Variants in MYO1E observed in about 807,000 individuals in gnomAD.
MYO1E encodes the protein unconventional myosin-Ie.
A neutral mutation model predicts 151.1 loss-of-function variants in MYO1E; 68 were observed. That is an observed-to-expected ratio of 0.45 (90% CI 0.37 to 0.55). The LOEUF is 0.55. MYO1E is among the 20% of genes least tolerant of loss of function. The pLI is 0.00. For missense variants in MYO1E, 1,363 were observed against 1,389.3 expected (o/e 0.98, Z 0.30); for synonymous variants, 601 against 501.7 (o/e 1.20, Z -2.64).
chr15:59,176,914 C>T (rs115963522), intron 19 of MYO1E, among the ~76,000 whole-genome samples: 1 of 152,112 alleles, frequency 6.6e-6, no homozygotes, highest in East Asian at 1.9e-4. Flanking sequence ...GGTAATAACA[C>T]AATTGAATGT....
At position 59,236,687 on chromosome 15, in the gene MYO1E, A is replaced by C; in HGVS notation, c.333-15T>G. 1 of 1,599,986 alleles carries C rather than the reference A, an allele frequency of 6.3e-7. No individual in the cohort carries two copies. The highest frequency in any genetic ancestry group is 1.1e-5 in the South Asian group (1 of 90,776). ...CACTTTCACCACTAAAGAAAGACAG[A>C]CAAAGAATCCACCTGAGAAGTGGAT... On this transcript the variant is annotated splice_polypyrimidine_tract_variant and intron_variant, in intron 4 of 27. Transcript: ENST00000288235.
At chr15:59,184,069 C>T (rs1334598678) in intron 18 of MYO1E, among the ~76,000 whole-genome samples, 2 of 152,274 alleles carry the variant, frequency 1.3e-5, no homozygotes, top group African/African-American at 2.4e-5. Flanking sequence ...AGGGCAGTGG[C>T]GTAATCTCGG....
intron 1 of MYO1E, among the ~76,000 whole-genome samples, chr15:59,313,532 A>G (rs1188361686): frequency 1.5e-5 from 2 of 129,438 alleles, no homozygotes; most frequent in Non-Finnish European, 3.1e-5. Flanking sequence ...ATCATCTTTC[A>G]GTGATCATTC....
intron 7 of MYO1E, among the ~76,000 whole-genome samples, chr15:59,226,357 G>A (rs908081183): frequency 1.4e-4 from 21 of 152,004 alleles, no homozygotes; most frequent in Admixed American, 1.2e-3. Flanking sequence ...AACACGAAAT[G>A]AAACAAAACA....
At chr15:59,290,279 G>C (rs575141392) in intron 1 of MYO1E, among the ~76,000 whole-genome samples, 397 of 152,310 alleles carry the variant, frequency 2.6e-3, no homozygotes, top group South Asian at 0.017. Flanking sequence ...TGTCCTCTGA[G>C]AGCCAGGTTT....
chr15:59,345,922 C>T (rs1369071688), intron 1 of MYO1E, among the ~76,000 whole-genome samples: 1 of 152,236 alleles, frequency 6.6e-6, no homozygotes, highest in Non-Finnish European at 1.5e-5. Context: ...TTTTATCCAG[C>T]AGTTGCATTG....
chr15:59,218,962 A>G (rs1468256081), intron 9 of MYO1E, among the ~76,000 whole-genome samples: 1 of 152,194 alleles, frequency 6.6e-6, no homozygotes, highest in Non-Finnish European at 1.5e-5. Context: ...ACAGATTCCA[A>G]TGCTGGGGGT....
At chr15:59,162,096 G>T (rs1240679524) in intron 23 of MYO1E, among the ~76,000 whole-genome samples, 1 of 152,134 alleles carries the variant, frequency 6.6e-6, no homozygotes, top group Non-Finnish European at 1.5e-5. Context: ...GCGTGCAGTG[G>T]TGCGGTCTCA....
chr15:59,219,964 T>G (rs1362812740), intron 9 of MYO1E, among the ~76,000 whole-genome samples: 1 of 152,238 alleles, frequency 6.6e-6, no homozygotes, highest in African/African-American at 2.4e-5. Flanking sequence ...TGCACTCCTG[T>G]GCACAGAGTA....
chr15:59,190,055 C>A (rs1016690534), intron 17 of MYO1E, among the ~76,000 whole-genome samples: 5 of 152,148 alleles, frequency 3.3e-5, no homozygotes, highest in Non-Finnish European at 7.3e-5. Context: ...TTGTGAAAAC[C>A]CACCACTTGC....
At chr15:59,339,983 G>A (rs2080754305) in intron 1 of MYO1E, among the ~76,000 whole-genome samples, 1 of 151,978 alleles carries the variant, frequency 6.6e-6, no homozygotes, top group Non-Finnish European at 1.5e-5. Context: ...TAGTAGCTGG[G>A]ATTACAGGTG....
chr15:59,181,438 T>C (rs2079657767), intron 18 of MYO1E, among the ~76,000 whole-genome samples: 1 of 152,230 alleles, frequency 6.6e-6, no homozygotes, highest in Non-Finnish European at 1.5e-5. Flanking sequence ...AGACACAACA[T>C]GGCTATTTGT....
chr15:59,142,937 A>G (rs2079419580), intron 26 of MYO1E, among the ~76,000 whole-genome samples: 1 of 151,870 alleles, frequency 6.6e-6, no homozygotes. Context: ...AAAAAAAAAA[A>G]AAAAAGGCGT....
At position 59,334,401 on chromosome 15, in the gene MYO1E, T is replaced by C. The variant is rs954458988; in HGVS notation, c.3+38097A>G. On this transcript the variant is annotated intron_variant, in intron 1 of 27. Transcript: ENST00000288235. ...TTTATCCTGATGTGATTATTATGCA[T>C]TGTAGGACTGTATCAAAATATTGCA... Among the ~76,000 whole-genome samples the C allele has an allele frequency of 3.9e-5, 6 of 152,120 alleles. No individual in the cohort carries two copies. In the East Asian group the frequency reaches 7.7e-4, roughly 20 times the overall value.
At position 59,208,744 on chromosome 15, in the gene MYO1E, A is replaced by G. The variant is rs1329450326; in HGVS notation, c.1467T>C (p.Ile489=). 7 of 1,614,174 alleles carry G rather than the reference A, an allele frequency of 4.3e-6. No homozygotes were observed. The highest frequency in any genetic ancestry group is 5.1e-6 in the Non-Finnish European group (6 of 1,180,022). The change falls in exon 14 of 28, where the codon ATT becomes ATC. Residue 489 remains isoleucine (I), a synonymous_variant. Coordinates refer to ENST00000288235, the MANE Select transcript of MYO1E (RefSeq NM_004998.4). The part of the protein sequence containing the change: ...QTLLQKLQMQ[I]GSHEHFNSWN... ...AACTGTTGAAGTGCTCATGACTCCC[A>G]ATCTGCATCTGAAGTTTCTGGAGCA...
At chr15:59,151,147 C>T (rs1317221824) in intron 26 of MYO1E, among the ~76,000 whole-genome samples, 3 of 151,974 alleles carry the variant, frequency 2.0e-5, no homozygotes, top group African/African-American at 7.3e-5. Flanking sequence ...GTGCTTTCAG[C>T]TGGGCGCGGT....
intron 14 of MYO1E, chr15:59,207,622 G>C: frequency 6.2e-7 from 1 of 1,614,112 alleles, no homozygotes; most frequent in African/African-American, 1.3e-5. Flanking sequence ...ACAAAAGCTT[G>C]GTATCCATTC....
At chr15:59,164,192 T>C (rs1157900949) in intron 22 of MYO1E, among the ~76,000 whole-genome samples, 2 of 152,226 alleles carry the variant, frequency 1.3e-5, no homozygotes, top group Non-Finnish European at 2.9e-5. Flanking sequence ...ATGTATGTAA[T>C]TGAGAATTTG....
At chr15:59,147,604 A>AAAAAAAC (rs1465246661) in intron 26 of MYO1E, among the ~76,000 whole-genome samples, 3 of 150,846 alleles carry the variant, frequency 2.0e-5, no homozygotes, top group Non-Finnish European at 4.4e-5. Context: ...CTCAAAAAAA[A>AAAAAAAC]AAAAAAAAAA....
Sources: allele counts gnomAD v4.1 joint callset (sites outside exome capture counted in the v4.1 genomes callset), GRCh38; gene constraint gnomAD v4.1.1; transcripts MANE v1.5; gene names NCBI Gene and HGNC (gene_info 2026-07-23, HGNC 2026-07-21).